The following EDA variants were observed in gnomAD, a reference collection of about 807,000 sequenced individuals.
EDA encodes ectodysplasin-A.
Under a neutral mutation model 23.6 loss-of-function variants are expected in EDA, and 2 were observed. The observed-to-expected ratio is 0.08, with a 90% CI of 0.03 to 0.27. EDA has a LOEUF of 0.27. Ranked by LOEUF, EDA falls within the 10% of genes least tolerant of loss-of-function variation. The pLI, the probability that EDA is intolerant of heterozygous loss-of-function variation, is 1.00. For synonymous variants in EDA, 131 were observed against 132.0 expected (o/e 0.99, Z 0.05); for missense variants, 229 against 324.2 (o/e 0.71, Z 2.26).
chrX:69,974,327 G>A (rs1209676279), intron 2 of EDA, among the ~76,000 whole-genome samples: 1 of 110,736 alleles, frequency 9.0e-6, no homozygotes, highest in African/African-American at 3.3e-5. Context: ...CAATAATAAT[G>A]CTGGGATAAC....
At chrX:69,864,675 G>GA in intron 1 of EDA, among the ~76,000 whole-genome samples, 1 of 112,097 alleles carries the variant, frequency 8.9e-6, no homozygotes, top group South Asian at 3.7e-4. Context: ...GGAGGCACCA[G>GA]AAAAAAGTGA....
intron 1 of EDA, among the ~76,000 whole-genome samples, chrX:69,717,859 G>A (rs1170848313): frequency 9.0e-6 from 1 of 111,641 alleles, no homozygotes; most frequent in East Asian, 2.8e-4. Context: ...TGGAGGTGGG[G>A]CCTGGTAGGA....
At chrX:69,829,361 T>C (rs779721095) in intron 1 of EDA, among the ~76,000 whole-genome samples, 1 of 112,353 alleles carries the variant, frequency 8.9e-6, no homozygotes, top group South Asian at 3.7e-4. Flanking sequence ...ATCAGGTATT[T>C]GGATGTCCAA....
intron 1 of EDA, among the ~76,000 whole-genome samples, chrX:69,707,181 G>A (rs2520368): frequency 0.32 from 35,879 of 111,197 alleles, 5,052 homozygotes; most frequent in Middle Eastern, 0.56. Flanking sequence ...TCTTATGGGA[G>A]AAGCAAGAAT....
At chrX:69,663,493 G>A (rs1368309993) in intron 1 of EDA, among the ~76,000 whole-genome samples, 1 of 112,678 alleles carries the variant, frequency 8.9e-6, no homozygotes, top group Non-Finnish European at 1.9e-5. Flanking sequence ...CTAGATTTCA[G>A]AGGATGTATG....
At chrX:69,766,137 G>C (rs1160309804) in intron 1 of EDA, among the ~76,000 whole-genome samples, 1 of 111,631 alleles carries the variant, frequency 9.0e-6, no homozygotes, top group Non-Finnish European at 1.9e-5. Context: ...CCACTTTATT[G>C]TTCTATTTCC....
At chrX:69,749,919 GTTCTT>G (rs761310141) in intron 1 of EDA, among the ~76,000 whole-genome samples, 18,341 of 47,489 alleles carry the variant, frequency 0.39, 2,635 homozygotes, top group Middle Eastern at 0.67. Context: ...TCTCACTAAG[GTTCTT>G]TTTTTTTTTT....
At chrX:69,813,552 A>C (rs2016009928) in intron 1 of EDA, among the ~76,000 whole-genome samples, 1 of 111,467 alleles carries the variant, frequency 9.0e-6, no homozygotes, top group South Asian at 3.7e-4. Flanking sequence ...CCTCTAATAA[A>C]CTGTCAAGTC....
intron 1 of EDA, chrX:69,860,816 T>C (rs1384533990): frequency 1.9e-6 from 1 of 518,006 alleles, no homozygotes; most frequent in Non-Finnish European, 3.5e-6. Flanking sequence ...TATCCTGAAA[T>C]ATGTTTTCCA....
intron 1 of EDA, among the ~76,000 whole-genome samples, chrX:69,947,063 G>A (rs373421771): frequency 8.9e-6 from 1 of 112,385 alleles, no homozygotes; most frequent in African/African-American, 3.2e-5. Context: ...TGCCTTTAGT[G>A]ATTTCCAGGT....
intron 2 of EDA, among the ~76,000 whole-genome samples, chrX:69,960,908 AC>A (rs1417361674): frequency 9.2e-6 from 1 of 108,845 alleles, no homozygotes; most frequent in Non-Finnish European, 1.9e-5. Flanking sequence ...AGTCCCAGCT[AC>A]TCAGGAGGCT....
At chrX:69,957,808 C>A (rs1327449439) in intron 2 of EDA, among the ~76,000 whole-genome samples, 1 of 111,872 alleles carries the variant, frequency 8.9e-6, no homozygotes, top group Admixed American at 9.5e-5. Context: ...CAGTGTTGTA[C>A]CCTGCTAGCA....
intron 1 of EDA, among the ~76,000 whole-genome samples, chrX:69,717,525 T>TG (rs2012390064): frequency 9.4e-6 from 1 of 106,166 alleles, no homozygotes; most frequent in Non-Finnish European, 2.0e-5. Context: ...AAATTGTTTT[T>TG]TTTTTTTTTT....
intron 1 of EDA, among the ~76,000 whole-genome samples, chrX:69,809,956 T>C (rs2096157221): frequency 1.8e-5 from 2 of 110,653 alleles, no homozygotes; most frequent in Admixed American, 9.6e-5. Context: ...TATTGTTTCC[T>C]CCTCCATATC....
At chrX:69,654,133 A>C (rs373920105) in intron 1 of EDA, among the ~76,000 whole-genome samples, 1 of 112,015 alleles carries the variant, frequency 8.9e-6, no homozygotes, top group Non-Finnish European at 1.9e-5. Context: ...AAAAGTGGGC[A>C]AAGGATATGA....
chrX:69,677,638 G>C, intron 1 of EDA, among the ~76,000 whole-genome samples: 1 of 112,651 alleles, frequency 8.9e-6, no homozygotes, highest in Non-Finnish European at 1.9e-5. Context: ...TTTGAGAAGT[G>C]TCTGTTCATG....
chrX:69,901,927 G>A (rs772416061), intron 1 of EDA, among the ~76,000 whole-genome samples: 3 of 111,623 alleles, frequency 2.7e-5, no homozygotes, highest in South Asian at 3.8e-4. Flanking sequence ...GTTCTTGAAG[G>A]GCAGATATGG....
At chrX:69,691,361 TG>T (rs1316250963) in intron 1 of EDA, among the ~76,000 whole-genome samples, 1 of 112,249 alleles carries the variant, frequency 8.9e-6, no homozygotes, top group African/African-American at 3.2e-5. Flanking sequence ...GTGCTGACCC[TG>T]GTTTTACTGC....
At chrX:69,898,834 TC>T (rs2018057995) in intron 1 of EDA, among the ~76,000 whole-genome samples, 1 of 112,096 alleles carries the variant, frequency 8.9e-6, no homozygotes, top group Admixed American at 9.5e-5. Context: ...TGTCATCTTT[TC>T]CCTATCCTTG....
Sources: gnomAD v4.1 joint callset for allele counts (sites outside exome capture counted in the v4.1 genomes callset) on GRCh38, gnomAD v4.1.1 for gene constraint, MANE v1.5 for transcripts, NCBI Gene and HGNC (gene_info 2026-07-23, HGNC 2026-07-21) for gene names.